Variants in OXCT1 observed in about 807,000 individuals in gnomAD.
The protein encoded by OXCT1 is succinyl-CoA:3-ketoacid coenzyme A transferase 1, mitochondrial.
Under a neutral mutation model 69.6 loss-of-function variants are expected in OXCT1, and 27 were observed. That is an observed-to-expected ratio of 0.39 (90% CI 0.29 to 0.54). OXCT1 has a LOEUF of 0.54. Among genes scored for constraint, OXCT1 ranks in the 20% least tolerant of loss-of-function variants. The pLI is 0.72. For missense variants in OXCT1, 437 were observed against 650.2 expected (o/e 0.67, Z 3.57); for synonymous variants, 202 against 217.8 (o/e 0.93, Z 0.64).
chr5:41,870,409 C>T lies in OXCT1; in HGVS notation c.-51G>A. 2.2e-6 allele frequency: 3 copies of T among 1,390,126 alleles called. No individual in the cohort carries two copies. The highest frequency in any genetic ancestry group is 2.3e-5 in the South Asian group (2 of 85,120). The allele number at this position is 1,390,126 out of a possible 1,614,324, so 86.1% of individuals were successfully genotyped here. On this transcript the variant is annotated 5_prime_UTR_variant, in exon 1 of 17. Transcript: ENST00000196371. This position sits in a 1 kb window ranked among gnomAD's most constrained non-coding sequence, Gnocchi z 4.2. Reference sequence around the variant, plus strand: ...CTGCGGGTTGGAGCGCGCGTTTGAGCGTCGGTGCGCGACTGCGAAGGAAAC... The same window carrying T: ...CTGCGGGTTGGAGCGCGCGTTTGAGTGTCGGTGCGCGACTGCGAAGGAAAC...
chr5:41,761,234 G>C (rs1392708510), intron 14 of OXCT1, among the ~76,000 whole-genome samples: 1 of 152,106 alleles, frequency 6.6e-6, no homozygotes, highest in Non-Finnish European at 1.5e-5. Flanking sequence ...TACACTGATA[G>C]TTCCTTGGTG....
At chr5:41,772,288 A>G (rs1744904546) in intron 13 of OXCT1, among the ~76,000 whole-genome samples, 1 of 152,088 alleles carries the variant, frequency 6.6e-6, no homozygotes, top group Non-Finnish European at 1.5e-5. Context: ...CACTGTCTGC[A>G]AAGCTCTAAG....
At chr5:41,832,355 G>A (rs1286265842) in intron 7 of OXCT1, among the ~76,000 whole-genome samples, 1 of 151,996 alleles carries the variant, frequency 6.6e-6, no homozygotes, top group Non-Finnish European at 1.5e-5. Context: ...GAGAGAGAGA[G>A]AGAGAGAGAT....
rs112503238 is a variant in OXCT1 at position 41,807,279 on chromosome 5, C to T, written c.840+52G>A. 9.2e-6 allele frequency: 9 copies of T among 979,022 alleles called. No homozygotes were observed. In the African/African-American group the frequency reaches 1.1e-4, roughly 12 times the overall value. The allele number at this position is 979,022 out of a possible 1,614,324, so 60.6% of individuals were successfully genotyped here. A position where few individuals can be genotyped will look rare whatever the true frequency, so the allele number is the denominator to read the frequency against. On this transcript the variant is annotated intron_variant, in intron 8 of 16. Transcript: ENST00000196371. Reference sequence around the variant, plus strand: ...CATCTCGAATGGCCCCAGGGATGCACTATCTCTGTAACTGGATCCATGAAT... The same window carrying T: ...CATCTCGAATGGCCCCAGGGATGCATTATCTCTGTAACTGGATCCATGAAT...
chr5:41,749,305 A>C (rs1210008261), intron 15 of OXCT1, among the ~76,000 whole-genome samples: 1 of 152,110 alleles, frequency 6.6e-6, no homozygotes, highest in Non-Finnish European at 1.5e-5. Flanking sequence ...ACACTGTCAA[A>C]GTTACCAAGG....
At chr5:41,800,667 T>A (rs1408504675) in intron 11 of OXCT1, among the ~76,000 whole-genome samples, 1 of 151,782 alleles carries the variant, frequency 6.6e-6, no homozygotes, top group Non-Finnish European at 1.5e-5. Flanking sequence ...AGGTGATAAC[T>A]CCCTGTGGAA....
At chr5:41,733,763 T>G (rs1742756750) in intron 16 of OXCT1, among the ~76,000 whole-genome samples, 1 of 152,212 alleles carries the variant, frequency 6.6e-6, no homozygotes, top group Non-Finnish European at 1.5e-5. Context: ...TGACTTTGCC[T>G]GCTTTTTAAT....
intron 7 of OXCT1, among the ~76,000 whole-genome samples, chr5:41,820,914 C>G (rs1400883367): frequency 6.6e-6 from 1 of 152,112 alleles, no homozygotes; most frequent in African/African-American, 2.4e-5. Flanking sequence ...AGCAAACCAC[C>G]ACCATCAAGA....
At position 41,799,041 on chromosome 5, in the gene OXCT1, C is replaced by T. The variant is rs555491128; in HGVS notation, c.1099+1981G>A. On this transcript the variant is annotated intron_variant, in intron 11 of 16. Transcript: ENST00000196371. ...ACATGTGAAAAAGTATGCTCTAAGC[C>T]ATGTAAAACTATACAACTGGTAGTT... Among the ~76,000 whole-genome samples the T allele has an allele frequency of 3.9e-5, 6 of 152,248 alleles. No individual in the cohort carries two copies. In the South Asian group the frequency reaches 1.2e-3, roughly 32 times the overall value.
intron 7 of OXCT1, among the ~76,000 whole-genome samples, chr5:41,836,381 G>A (rs1429338493): frequency 6.6e-6 from 1 of 152,196 alleles, no homozygotes; most frequent in East Asian, 1.9e-4. Context: ...ACAACTTTGT[G>A]GGGAAGCATG....
chr5:41,779,310 T>A (rs1337868764), intron 13 of OXCT1, among the ~76,000 whole-genome samples: 1 of 152,230 alleles, frequency 6.6e-6, no homozygotes. Flanking sequence ...ATGCACTGTC[T>A]GATAAGTTAG....
intron 9 of OXCT1, among the ~76,000 whole-genome samples, chr5:41,804,987 T>C (rs1301282698): frequency 6.6e-6 from 1 of 152,134 alleles, no homozygotes; most frequent in Admixed American, 6.6e-5. Context: ...ATTTGTTATT[T>C]AAATGCATTC....
At chr5:41,864,078 C>T (rs1319515605) in intron 1 of OXCT1, among the ~76,000 whole-genome samples, 1 of 152,186 alleles carries the variant, frequency 6.6e-6, no homozygotes, top group Non-Finnish European at 1.5e-5. Context: ...AAATGAGTCA[C>T]CTAGTGAATA....
At chr5:41,834,737 A>T (rs1021030878) in intron 7 of OXCT1, among the ~76,000 whole-genome samples, 1 of 152,112 alleles carries the variant, frequency 6.6e-6, no homozygotes, top group African/African-American at 2.4e-5. Context: ...AGACTTCCAC[A>T]CCCCATTTTC....
intron 3 of OXCT1, among the ~76,000 whole-genome samples, chr5:41,857,076 A>G (rs540290175): frequency 2.6e-5 from 4 of 152,234 alleles, no homozygotes; most frequent in Admixed American, 2.6e-4. Context: ...CAAACTCCAC[A>G]TTGAATCTAT....
At chr5:41,781,777 A>G (rs574106147) in intron 13 of OXCT1, among the ~76,000 whole-genome samples, 1 of 152,338 alleles carries the variant, frequency 6.6e-6, no homozygotes, top group Admixed American at 6.5e-5. Flanking sequence ...CCTGCAAAGA[A>G]CATGATCTCG....
At chr5:41,782,080 A>C (rs1448302486) in intron 13 of OXCT1, among the ~76,000 whole-genome samples, 1 of 151,736 alleles carries the variant, frequency 6.6e-6, no homozygotes, top group African/African-American at 2.4e-5. Context: ...AACAGTGTAA[A>C]AGTGTTCCTT....
chr5:41,744,235 G>C (rs1177621089), intron 15 of OXCT1, among the ~76,000 whole-genome samples: 1 of 152,132 alleles, frequency 6.6e-6, no homozygotes, highest in African/African-American at 2.4e-5. Context: ...AAGCAATTGT[G>C]AATGGGAGTT....
intron 13 of OXCT1, among the ~76,000 whole-genome samples, chr5:41,780,810 A>G (rs925288872): frequency 6.6e-6 from 1 of 152,210 alleles, no homozygotes; most frequent in Non-Finnish European, 1.5e-5. Flanking sequence ...GTTCCTGGAC[A>G]GGATGACTTA....
Sources: gnomAD v4.1 joint callset for allele counts (sites outside exome capture counted in the v4.1 genomes callset) on GRCh38, gnomAD v4.1.1 for gene constraint, Gnocchi (gnomAD v3.1) non-coding constraint, MANE v1.5 for transcripts, NCBI Gene and HGNC (gene_info 2026-07-23, HGNC 2026-07-21) for gene names.